Variants in FIGN observed in about 807,000 individuals in gnomAD.
FIGN encodes fidgetin, microtubule severing factor, also known as fidgetin.
In FIGN, 11 loss-of-function variants were observed where a neutral mutation model predicts 51.3. The ratio of observed to expected loss-of-function variants is 0.21; its 90% CI spans 0.13 to 0.35. The LOEUF (loss-of-function observed/expected upper bound fraction) is 0.35. Ranked by LOEUF, FIGN falls within the 10% of genes least tolerant of loss-of-function variation. FIGN has a pLI of 1.00. For synonymous variants in FIGN, 407 were observed against 363.2 expected, an observed-to-expected ratio of 1.12 and a Z score of -1.37; for missense variants, 857 against 943.6, an observed-to-expected ratio of 0.91 and a Z score of 1.20.
chr2:163,632,491 A>G (rs564685568), intron 2 of FIGN, among the ~76,000 whole-genome samples: 3 of 152,340 alleles, frequency 2.0e-5, no homozygotes, highest in East Asian at 1.9e-4. Context: ...CCTTGGTTCT[A>G]GGAGTACATA....
chr2:163,634,180 C>T (rs1406085939), intron 2 of FIGN, among the ~76,000 whole-genome samples: 2 of 150,598 alleles, frequency 1.3e-5, no homozygotes, highest in African/African-American at 4.9e-5. Context: ...TTTAAAATAC[C>T]AGCATATTGT....
intron 1 of FIGN, 149 bp from the exon 2 acceptor site, chr2:163,735,221 G>C (rs886366327): frequency 1.6e-4 from 71 of 438,314 alleles, no homozygotes; most frequent in African/African-American, 1.4e-3. Flanking sequence ...CAAGAGCTCC[G>C]GGGAGGACGG....
chr2:163,691,669 G>T (rs531824556), intron 2 of FIGN, among the ~76,000 whole-genome samples: 4 of 152,166 alleles, frequency 2.6e-5, no homozygotes, highest in African/African-American at 9.6e-5. Flanking sequence ...ATTTAATTTG[G>T]TTAACAAATA....
chr2:163,650,449 T>G (rs1683454791), intron 2 of FIGN, among the ~76,000 whole-genome samples: 1 of 152,096 alleles, frequency 6.6e-6, no homozygotes, highest in Admixed American at 6.5e-5. Context: ...ATGTGCAGGT[T>G]TTGTTACATA....
chr2:163,610,617 A>G lies in FIGN; in HGVS notation c.1215T>C (p.Ser405=). The G allele has an allele frequency of 1.9e-6, 3 of 1,614,208 alleles. No homozygotes were observed. Among genetic ancestry groups the G allele is most frequent in the Non-Finnish European group, 2.5e-6 (3 of 1,180,032 alleles). Residue 405 remains serine, a synonymous_variant, in exon 3 of 3, where the codon AGT becomes AGC. Coordinates refer to ENST00000333129, the MANE Select transcript of FIGN (RefSeq NM_018086.4). ...SSRALTPPSY[S]TAKNSLGSRS... Reference sequence around the variant, plus strand: ...TTGATCCCAATGAATTTTTAGCAGTACTGTAGGAAGGAGGGGTCAGAGCCC... The same window carrying G: ...TTGATCCCAATGAATTTTTAGCAGTGCTGTAGGAAGGAGGGGTCAGAGCCC...
intron 2 of FIGN, among the ~76,000 whole-genome samples, chr2:163,705,737 T>C (rs1322024704): frequency 6.6e-6 from 1 of 152,082 alleles, no homozygotes; most frequent in African/African-American, 2.4e-5. Context: ...GTTTTACTTT[T>C]CTTTCCTTTA....
intron 2 of FIGN, among the ~76,000 whole-genome samples, chr2:163,660,700 T>C (rs1413069807): frequency 8.2e-6 from 1 of 122,424 alleles, no homozygotes; most frequent in East Asian, 2.3e-4. Context: ...TATACATATA[T>C]ATGTATACAC....
At chr2:163,699,809 A>G (rs1310144687) in intron 2 of FIGN, among the ~76,000 whole-genome samples, 1 of 152,158 alleles carries the variant, frequency 6.6e-6, no homozygotes, top group Non-Finnish European at 1.5e-5. Context: ...TTAGTATACT[A>G]GAGGGACCTG....
intron 2 of FIGN, among the ~76,000 whole-genome samples, chr2:163,718,258 T>C (rs926269403): frequency 6.6e-6 from 1 of 152,096 alleles, no homozygotes; most frequent in Non-Finnish European, 1.5e-5. Context: ...ACAGCACAGC[T>C]CAGAAGAAAT....
At chr2:163,640,960 T>C (rs1318434559) in intron 2 of FIGN, among the ~76,000 whole-genome samples, 1 of 152,170 alleles carries the variant, frequency 6.6e-6, no homozygotes, top group Non-Finnish European at 1.5e-5. Context: ...AAGTGCTCAG[T>C]GGGCTGGAAA....
chr2:163,689,209 G>GAAACACAC (rs1330439512), intron 2 of FIGN, among the ~76,000 whole-genome samples: 22 of 51,232 alleles, frequency 4.3e-4, no homozygotes, highest in African/African-American at 1.1e-3. Context: ...AACACACACA[G>GAAACACAC]AGAGAGAGTG....
intron 2 of FIGN, among the ~76,000 whole-genome samples, chr2:163,717,301 GAA>G (rs1684682514): frequency 6.6e-6 from 1 of 152,136 alleles, no homozygotes; most frequent in African/African-American, 2.4e-5. Context: ...GTGGGGCAGA[GAA>G]AGAGAGCAAT....
chr2:163,612,692 ATGTGTGTGTGTGTG>A, intron 2 of FIGN: 1 of 385,000 alleles, frequency 2.6e-6, no homozygotes, highest in Non-Finnish European at 3.4e-6. Context: ...AGAGGGGAGA[ATGTGTGTGTGTGTG>A]TGTGTGTGTG....
chr2:163,707,453 G>C (rs1363140456), intron 2 of FIGN, among the ~76,000 whole-genome samples: 1 of 152,122 alleles, frequency 6.6e-6, no homozygotes, highest in Non-Finnish European at 1.5e-5. Flanking sequence ...TTATTTCAAA[G>C]AGTGTAGTGA....
chr2:163,734,839 T>C, intron 2 of FIGN, 64 bp downstream of exon 2: 1 of 1,495,358 alleles, frequency 6.7e-7, no homozygotes, highest in Non-Finnish European at 9.2e-7. Flanking sequence ...AATGGTTTTA[T>C]CATGCTATTT....
intron 2 of FIGN, among the ~76,000 whole-genome samples, chr2:163,712,495 C>T (rs182797968): frequency 4.0e-4 from 61 of 152,230 alleles, no homozygotes; most frequent in Admixed American, 6.5e-4. Context: ...ATTCATTCTT[C>T]CAAGTACAAA....
rs79789222 is a variant in FIGN, at chr2:163,630,328, T to C, written c.26-18522A>G. On this transcript the variant is annotated intron_variant, in intron 2 of 2. Transcript: ENST00000333129. ...AGCTAAAGGGCAGGTAGAATCCATTTGTTTTCTGGATCTCCTTTCATTTTT... is the reference window on the plus strand; with the variant it reads ...AGCTAAAGGGCAGGTAGAATCCATTCGTTTTCTGGATCTCCTTTCATTTTT... Among the ~76,000 whole-genome samples the C allele has an allele frequency of 4.6e-3, 693 of 152,182 alleles. 4 individuals carry two copies. The highest frequency in any genetic ancestry group is 0.016 in the African/African-American group (668 of 41,520).
At chr2:163,622,141 A>AGAGACAATT in intron 2 of FIGN, among the ~76,000 whole-genome samples, 1 of 152,232 alleles carries the variant, frequency 6.6e-6, no homozygotes, top group South Asian at 2.1e-4. Flanking sequence ...AACAGGGCTT[A>AGAGACAATT]CTTTGTCTCT....
rs771253695 is a variant in FIGN, at chr2:163,610,432, T to C, written c.1400A>G (p.His467Arg). Residue 467 changes from histidine to arginine, a missense_variant, in exon 3 of 3, where the codon CAC becomes CGC. Around this residue, in one of 3 missense-constraint regions of FIGN, gnomAD observed 799 missense variants for 849.5 expected, o/e 0.94. Coordinates refer to ENST00000333129, the MANE Select transcript of FIGN (RefSeq NM_018086.4). Reference protein sequence around the residue: ...VDEQLKNTDTHLIDLVTNEII... With the variant: ...VDEQLKNTDTRLIDLVTNEII... ...CTCATTGGTTACCAGGTCGATGAGG[T>C]GCGTGTCAGTATTCTTCAGTTGCTC... 1 of 1,614,072 alleles carries C rather than the reference T, an allele frequency of 6.2e-7. No homozygotes were observed. The highest frequency in any genetic ancestry group is 2.2e-5 in the East Asian group (1 of 44,860).
Sources: gnomAD v4.1 joint callset for allele counts (sites outside exome capture counted in the v4.1 genomes callset) on GRCh38, gnomAD v4.1.1 for gene constraint, gnomAD v4.1.1 regional missense constraint, MANE v1.5 for transcripts, NCBI Gene and HGNC (gene_info 2026-07-23, HGNC 2026-07-21) for gene names.